TUBGCP3: variants seen among roughly 807,000 people sequenced by gnomAD.
TUBGCP3 encodes tubulin gamma complex component 3.
TUBGCP3 carries 50 observed loss-of-function variants against 123.1 expected under a neutral mutation model. The ratio of observed to expected loss-of-function variants is 0.41; its 90% confidence interval spans 0.32 to 0.51. The LOEUF (loss-of-function observed/expected upper bound fraction) is 0.51. TUBGCP3 is among the 20% of genes least tolerant of loss of function. TUBGCP3 has a pLI of 0.36. For synonymous variants in TUBGCP3, 405 were observed against 413.9 expected (o/e 0.98, Z 0.26); for missense variants, 882 against 1,127.0 (o/e 0.78, Z 3.11).
rs570327661 is a variant in TUBGCP3, at chr13:112,535,199, A to G, written c.1336-7715T>C. On this transcript the variant is annotated intron_variant, in intron 11 of 21. Transcript: ENST00000261965. ...TATTTATCAGTTCATCAGTTGATGG[A>G]CACTGGACCTGTTTTCACTTTTGAC... Among the ~76,000 whole-genome samples the G allele has an allele frequency of 2.6e-4, 39 of 152,346 alleles. 1 individual carries two copies. The South Asian group carries it at 8.1e-3, about 32-fold the overall frequency.
chr13:112,578,320 G>A (rs550443582), intron 1 of TUBGCP3, among the ~76,000 whole-genome samples: 3 of 151,842 alleles, frequency 2.0e-5, no homozygotes, highest in Non-Finnish European at 2.9e-5. Flanking sequence ...AGCACTTTGG[G>A]AGGCCGAGGC....
In TUBGCP3 at chr13:112,508,009, C is replaced by T. The variant is rs555838925; in HGVS notation, c.2087-3295G>A. 1.3e-5 allele frequency among the ~76,000 whole-genome samples: 2 copies of T among 152,286 alleles called. No individual in the cohort carries two copies. Among genetic ancestry groups the T allele is most frequent in the East Asian group, 3.9e-4 (2 of 5,190 alleles). Reference sequence around the variant, plus strand: ...CCATCTACCAAACAACACTGTCATGCAATGCTCAGTGTCAGCCTAAACTCC... The same window carrying T: ...CCATCTACCAAACAACACTGTCATGTAATGCTCAGTGTCAGCCTAAACTCC... On this transcript the variant is annotated intron_variant, in intron 17 of 21. Coordinates refer to ENST00000261965, the MANE Select transcript of TUBGCP3 (RefSeq NM_006322.6). The surrounding 1 kb of genome is among the most constrained non-coding windows in gnomAD (Gnocchi z 4.2).
intron 11 of TUBGCP3, among the ~76,000 whole-genome samples, chr13:112,535,254 A>G (rs1566558400): frequency 2.0e-5 from 3 of 152,244 alleles, no homozygotes; most frequent in Non-Finnish European, 4.4e-5. Flanking sequence ...ATGAATGTTC[A>G]TAGACAAGTT....
chr13:112,558,144 G>C, intron 5 of TUBGCP3, 52 bp downstream of exon 5: 1 of 1,538,598 alleles, frequency 6.5e-7, no homozygotes. Flanking sequence ...CAGCCTGCAG[G>C]CGTCTCTGTT....
the TUBGCP3 span, among the ~76,000 whole-genome samples, chr13:112,593,372 G>A: frequency 6.6e-6 from 1 of 152,156 alleles, no homozygotes; most frequent in Non-Finnish European, 1.5e-5. Context: ...GAGCCACGAT[G>A]ACACCACTGC....
chr13:112,563,707 C>CAAAAAA (rs777082525), intron 3 of TUBGCP3, among the ~76,000 whole-genome samples: 1 of 103,412 alleles, frequency 9.7e-6, no homozygotes, highest in African/African-American at 3.3e-5. Flanking sequence ...ACTAAAAATA[C>CAAAAAA]CAAAAAAAAA....
intron 11 of TUBGCP3, among the ~76,000 whole-genome samples, chr13:112,536,677 G>T (rs1878081249): frequency 6.6e-6 from 1 of 152,138 alleles, no homozygotes; most frequent in Non-Finnish European, 1.5e-5. Flanking sequence ...ACATTAGACA[G>T]CTATACATAC....
intron 14 of TUBGCP3, chr13:112,521,744 G>A (rs1876643774): frequency 1.0e-6 from 1 of 985,282 alleles, no homozygotes. Flanking sequence ...CCCAGGCTGT[G>A]GACCCCTGGG....
chr13:112,527,555 A>G, intron 11 of TUBGCP3, 71 bp from the exon 12 acceptor site: 1 of 1,056,192 alleles, frequency 9.5e-7, no homozygotes, highest in Non-Finnish European at 1.5e-6. Flanking sequence ...CAGCAACATC[A>G]AAGAGTAAGT....
intron 17 of TUBGCP3, among the ~76,000 whole-genome samples, chr13:112,510,475 G>T (rs1259089487): frequency 6.6e-6 from 1 of 152,082 alleles, no homozygotes; most frequent in Non-Finnish European, 1.5e-5. Context: ...CAAGACTAAG[G>T]ATCCAGATGA....
At chr13:112,537,919 G>C (rs1878199645) in intron 11 of TUBGCP3, among the ~76,000 whole-genome samples, 1 of 152,124 alleles carries the variant, frequency 6.6e-6, no homozygotes, top group Non-Finnish European at 1.5e-5. Flanking sequence ...GAAATGTCTT[G>C]ATTTTGACAT....
intron 13 of TUBGCP3, among the ~76,000 whole-genome samples, chr13:112,526,257 TCACCATCATCAC>T (rs919072327): frequency 4.2e-5 from 6 of 144,408 alleles, no homozygotes; most frequent in African/African-American, 1.3e-4. Context: ...CATTACACCA[TCACCATCATCAC>T]CACCATCATC....
chr13:112,597,716 T>TA, the TUBGCP3 span, among the ~76,000 whole-genome samples: 899 of 143,170 alleles, frequency 6.3e-3, 6 homozygotes, highest in African/African-American at 0.018. Flanking sequence ...TAGATACAAC[T>TA]AAAAAAAAAA....
intron 19 of TUBGCP3, among the ~76,000 whole-genome samples, chr13:112,501,054 CCAGGTCTT>C (rs1179190695): frequency 6.6e-6 from 1 of 152,170 alleles, no homozygotes; most frequent in East Asian, 1.9e-4. Context: ...ACTTATGCAA[CCAGGTCTT>C]CAGATTACAT....
chr13:112,502,058 T>C (rs1880942240), intron 19 of TUBGCP3, among the ~76,000 whole-genome samples: 1 of 152,196 alleles, frequency 6.6e-6, no homozygotes. Context: ...TCAAACATTT[T>C]CTGAAATGCA....
intron 2 of TUBGCP3, among the ~76,000 whole-genome samples, chr13:112,568,470 C>T (rs1248072614): frequency 6.6e-6 from 1 of 151,966 alleles, no homozygotes; most frequent in African/African-American, 2.4e-5. Flanking sequence ...TACTGAGACC[C>T]AAGGCCAAAT....
chr13:112,590,366 A>G (rs953828924), upstream of TUBGCP3, among the ~76,000 whole-genome samples: 8 of 152,034 alleles, frequency 5.3e-5, no homozygotes, highest in African/African-American at 1.9e-4. Flanking sequence ...GTTGTCGGAA[A>G]CCTTCTCCAA....
chr13:112,505,816 A>G (rs1440837082), intron 17 of TUBGCP3, among the ~76,000 whole-genome samples: 1 of 152,242 alleles, frequency 6.6e-6, no homozygotes, highest in Non-Finnish European at 1.5e-5. Context: ...AACAGGCAGC[A>G]TCGCCATCCG....
intron 17 of TUBGCP3, among the ~76,000 whole-genome samples, chr13:112,512,946 C>G (rs887725989): frequency 3.3e-5 from 5 of 152,202 alleles, no homozygotes; most frequent in Non-Finnish European, 7.3e-5. Flanking sequence ...TAGAACCTGA[C>G]TACGTAAATT....
Sources: allele counts gnomAD v4.1 joint callset (sites outside exome capture counted in the v4.1 genomes callset), GRCh38; gene constraint gnomAD v4.1.1; non-coding constraint Gnocchi (gnomAD v3.1); transcripts MANE v1.5; gene names NCBI Gene and HGNC (gene_info 2026-07-23, HGNC 2026-07-21).